Variants in DNAJC10 observed in about 807,000 individuals in gnomAD.
DNAJC10 encodes endoplasmic reticulum disulfide reductase DNAJC10.
A neutral mutation model predicts 115.0 loss-of-function variants in DNAJC10; 101 were observed. The ratio of observed to expected loss-of-function variants is 0.88; its 90% CI spans 0.75 to 1.04. The LOEUF is 1.04. Among genes scored for constraint, DNAJC10 ranks in the 50% least tolerant of loss-of-function variants. The probability of loss-of-function intolerance (pLI) is 0.00; values close to 1 mark genes in which losing one functional copy is unlikely to be tolerated. For synonymous variants in DNAJC10, 307 were observed against 301.5 expected (o/e 1.02, Z -0.19); for missense variants, 981 against 928.8 (o/e 1.06, Z -0.73).
At chr2:182,737,015 G>T (rs1032504622) in intron 11 of DNAJC10, among the ~76,000 whole-genome samples, 1 of 152,226 alleles carries the variant, frequency 6.6e-6, no homozygotes, top group African/African-American at 2.4e-5. Context: ...CTCCCAGAGA[G>T]CTGGGATTAC....
At chr2:182,735,039 T>C (rs939479361) in intron 10 of DNAJC10, among the ~76,000 whole-genome samples, 38 of 151,738 alleles carry the variant, frequency 2.5e-4, no homozygotes, top group African/African-American at 8.7e-4. Flanking sequence ...ATTCTTGATA[T>C]ATTTGGCCCT....
In DNAJC10 at chr2:182,787,573, C is replaced by T. The variant is rs768148315; in HGVS notation, c.*10441C>T. 2 of 152,094 alleles carry T rather than the reference C, an allele frequency of 1.3e-5. No individual in the cohort carries two copies. The highest frequency in any genetic ancestry group is 4.8e-5 in the African/African-American group (2 of 41,396). 9.4% of individuals were successfully genotyped at this position (152,094 alleles called of 1,614,324 possible). Reference sequence around the variant, plus strand: ...TTAACCTCTAACCAACTGAACAAATCGAAGACATTTAATTTAGTCAAAATA... The same window carrying T: ...TTAACCTCTAACCAACTGAACAAATTGAAGACATTTAATTTAGTCAAAATA... On this transcript the variant is annotated 3_prime_UTR_variant, in exon 24 of 24. Transcript: ENST00000264065.
intron 3 of DNAJC10, among the ~76,000 whole-genome samples, chr2:182,719,648 T>C (rs1378128038): frequency 1.3e-5 from 2 of 152,140 alleles, no homozygotes; most frequent in African/African-American, 4.8e-5. Context: ...ATGTATTGAT[T>C]TATAATTGTT....
chr2:182,740,296 T>C lies in DNAJC10; in HGVS notation c.988-3T>C, dbSNP rs1693699875. Reference sequence around the variant, plus strand: ...AGATTACAATGTGATTTTCTTTTTCTAGTTTCTCAACTCATTGGATGCTAA... The same window carrying C: ...AGATTACAATGTGATTTTCTTTTTCCAGTTTCTCAACTCATTGGATGCTAA... On this transcript the variant is annotated splice_region_variant and splice_polypyrimidine_tract_variant and intron_variant, in intron 11 of 23. Transcript: ENST00000264065. The C allele has an allele frequency of 7.1e-7, 1 of 1,411,632 alleles. No homozygotes were observed. The highest frequency in any genetic ancestry group is 1.5e-5 in the African/African-American group (1 of 67,372). 87.4% of individuals were successfully genotyped at this position (1,411,632 alleles called of 1,614,324 possible).
At chr2:182,729,827 T>C (rs772343316) in intron 7 of DNAJC10, 21 bp from the exon 8 acceptor site, 51 of 1,503,896 alleles carry the variant, frequency 3.4e-5, no homozygotes, top group Non-Finnish European at 4.5e-5. Flanking sequence ...AAGATGTTTC[T>C]CTTCTTACAA....
chr2:182,757,769 A>G lies in DNAJC10; in HGVS notation c.1887A>G (p.Gln629=), dbSNP rs1694193811. 1 of 1,591,074 alleles carries G rather than the reference A, an allele frequency of 6.3e-7. No individual in the cohort carries two copies. The highest frequency in any genetic ancestry group is 1.3e-5 in the African/African-American group (1 of 74,382). ...YHSFCAQENV[Q]RYPEIRFFPP... The stretch of plus-strand genomic sequence containing the variant: ...CTTTTTGTGCCCAGGAAAACGTTCA[A>G]AGATACCCTGAGATAAGATTTTTTC... The change falls in exon 19 of 24, where the codon CAA becomes CAG. Residue 629 remains glutamine, a synonymous_variant. Coordinates refer to ENST00000264065, the MANE Select transcript of DNAJC10 (RefSeq NM_018981.4).
At chr2:182,736,895 G>A (rs938547451) in intron 11 of DNAJC10, among the ~76,000 whole-genome samples, 1 of 152,020 alleles carries the variant, frequency 6.6e-6, no homozygotes, top group African/African-American at 2.4e-5. Flanking sequence ...GATTACAGGC[G>A]CCTGCCATCA....
chr2:182,765,114 A>G (rs1010140471), intron 22 of DNAJC10, among the ~76,000 whole-genome samples: 1 of 152,178 alleles, frequency 6.6e-6, no homozygotes, highest in Non-Finnish European at 1.5e-5. Flanking sequence ...CCTCAGTAAG[A>G]TTAGTGCTAA....
intron 13 of DNAJC10, among the ~76,000 whole-genome samples, chr2:182,742,229 G>A (rs1243522081): frequency 6.6e-6 from 1 of 152,130 alleles, no homozygotes; most frequent in African/African-American, 2.4e-5. Context: ...CTGTCACCCA[G>A]GCTGGAGTTC....
chr2:182,730,051 C>A, intron 8 of DNAJC10, 110 bp downstream of exon 8: 1 of 650,254 alleles, frequency 1.5e-6, no homozygotes, highest in South Asian at 2.0e-5. Flanking sequence ...TTTAAAGTGT[C>A]TTTTCCATGT....
intron 21 of DNAJC10, among the ~76,000 whole-genome samples, chr2:182,760,459 A>G (rs1251406475): frequency 6.6e-6 from 1 of 152,176 alleles, no homozygotes; most frequent in Admixed American, 6.6e-5. Flanking sequence ...TTTTCGGTAT[A>G]GCATTGTCCA....
chr2:182,766,128 A>G (rs762227035), intron 22 of DNAJC10, among the ~76,000 whole-genome samples: 14 of 152,246 alleles, frequency 9.2e-5, no homozygotes, highest in Non-Finnish European at 2.1e-4. Context: ...GTTGGCAATC[A>G]GGACAAGTTT....
intron 4 of DNAJC10, among the ~76,000 whole-genome samples, chr2:182,720,634 G>A (rs1244290994): frequency 6.6e-6 from 1 of 152,086 alleles, no homozygotes; most frequent in Non-Finnish European, 1.5e-5. Flanking sequence ...ATCTAGGTTT[G>A]TGTAAGTACA....
chr2:182,765,087 T>C (rs567725103), intron 22 of DNAJC10, among the ~76,000 whole-genome samples: 2 of 152,276 alleles, frequency 1.3e-5, no homozygotes, highest in South Asian at 4.1e-4. Context: ...CAGGCACTTG[T>C]GTAGCTTCAT....
intron 5 of DNAJC10, among the ~76,000 whole-genome samples, chr2:182,724,430 T>TA (rs1693230178): frequency 6.6e-6 from 1 of 152,182 alleles, no homozygotes; most frequent in South Asian, 2.1e-4. Context: ...TGCTTTTGGT[T>TA]AAAGGATTTC....
intron 14 of DNAJC10, among the ~76,000 whole-genome samples, chr2:182,749,647 T>C (rs978387904): frequency 2.0e-5 from 3 of 152,096 alleles, no homozygotes; most frequent in Non-Finnish European, 2.9e-5. Context: ...GAGCATTTAG[T>C]CCATTTACAT....
chr2:182,725,226 C>A (rs1487219331), intron 5 of DNAJC10, among the ~76,000 whole-genome samples: 2 of 152,156 alleles, frequency 1.3e-5, no homozygotes, highest in African/African-American at 4.8e-5. Flanking sequence ...TCTCCCTTTT[C>A]TCTCCCACTT....
chr2:182,734,699 C>T (rs577209008), intron 10 of DNAJC10, among the ~76,000 whole-genome samples: 102 of 151,690 alleles, frequency 6.7e-4, no homozygotes, highest in Admixed American at 1.9e-3. Flanking sequence ...ATTTCTATTT[C>T]CTTTGTTTCT....
At position 182,781,721 on chromosome 2, in the gene DNAJC10, T is replaced by G. The variant is rs931289612; in HGVS notation, c.*4589T>G. Reference sequence around the variant, plus strand: ...GCATTTCTCTAATGACCACTGATGATGAGCTTTTTTTCATATCTTTGTTGG... The same window carrying G: ...GCATTTCTCTAATGACCACTGATGAGGAGCTTTTTTTCATATCTTTGTTGG... On this transcript the variant is annotated 3_prime_UTR_variant, in exon 24 of 24. Transcript: ENST00000264065. The G allele has an allele frequency of 6.6e-6, 1 of 152,246 alleles. No individual in the cohort carries two copies. The highest frequency in any genetic ancestry group is 2.4e-5 in the African/African-American group (1 of 41,474). The allele number at this position is 152,246 out of a possible 1,614,324, so 9.4% of individuals were successfully genotyped here.
Sources: allele counts gnomAD v4.1 joint callset (sites outside exome capture counted in the v4.1 genomes callset), GRCh38; gene constraint gnomAD v4.1.1; transcripts MANE v1.5; gene names NCBI Gene and HGNC (gene_info 2026-07-23, HGNC 2026-07-21).